The following PFKFB3 variants were observed in gnomAD, a reference collection of about 807,000 sequenced individuals.
The protein encoded by PFKFB3 is 6-phosphofructo-2-kinase/fructose-2,6-bisphosphatase 3.
A neutral mutation model predicts 68.0 loss-of-function variants in PFKFB3; 33 were observed. That is an observed-to-expected ratio of 0.49 (90% CI 0.37 to 0.65). The LOEUF is 0.65. Ranked by LOEUF, PFKFB3 falls within the 30% of genes least tolerant of loss-of-function variation. The pLI, the probability that PFKFB3 is intolerant of heterozygous loss-of-function variation, is 0.00. For missense variants in PFKFB3, 586 were observed against 712.2 expected, an observed-to-expected ratio of 0.82 and a Z score of 2.02; for synonymous variants, 315 against 288.2, an observed-to-expected ratio of 1.09 and a Z score of -0.94.
rs372374322 is a variant in PFKFB3, at chr10:6,177,436, T to TTCTC, written c.16+32425_16+32428dup. Among the ~76,000 whole-genome samples, 4 of 56,392 alleles carry TTCTC rather than the reference T, an allele frequency of 7.1e-5. No individual in the cohort carries two copies. The Admixed American group carries it at 8.9e-4, about 13-fold the overall frequency. 37.0% of individuals were successfully genotyped at this position (56,392 alleles called of 152,430 possible). ...CTTTCTCTTTCTTCCTTTCTTTTCT[T>TTCTC]TCTCTTTCTTTCTTTCTTTCTTTCT... On this transcript the variant is annotated intron_variant, in intron 1 of 14. Coordinates refer to the PFKFB3 transcript ENST00000379789.
chr10:6,282,054 C>T, the PFKFB3 span, among the ~76,000 whole-genome samples: 4 of 151,132 alleles, frequency 2.6e-5, no homozygotes, highest in Non-Finnish European at 4.4e-5. Context: ...ACTACAGGTT[C>T]GAACTCCTGG....
intron 1 of PFKFB3, among the ~76,000 whole-genome samples, 171 bp downstream of exon 1, chr10:6,203,507 G>T (rs1843478513): frequency 6.7e-6 from 1 of 150,246 alleles, no homozygotes; most frequent in Non-Finnish European, 1.5e-5. Flanking sequence ...CGGCGGGGGC[G>T]CTGTGGCCCT....
Position 6,233,155 on chromosome 10 carries a change from C to G in PFKFB3, c.*213C>G. ...GCCACGTGGGTCCCTGGCGCCCTGC[C>G]TTTAGCCGTGGGGCCCCCACCTCCA... On this transcript the variant is annotated 3_prime_UTR_variant, in exon 15 of 15. Transcript: ENST00000379775. 1 of 551,408 alleles carries G rather than the reference C, an allele frequency of 1.8e-6. No individual in the cohort carries two copies. Among genetic ancestry groups the G allele is most frequent in the South Asian group, 2.3e-5 (1 of 43,554 alleles). 34.2% of individuals were successfully genotyped at this position (551,408 alleles called of 1,614,324 possible). A position where few individuals can be genotyped will look rare whatever the true frequency, so the allele number is the denominator to read the frequency against.
At chr10:6,283,260 G>A in the PFKFB3 span, among the ~76,000 whole-genome samples, 1 of 152,190 alleles carries the variant, frequency 6.6e-6, no homozygotes, top group Admixed American at 6.5e-5. Context: ...GAGCCACCGC[G>A]CCCAGCCAAG....
At chr10:6,219,453 A>C in intron 6 of PFKFB3, 116 bp from the exon 7 acceptor site, 1 of 1,120,018 alleles carries the variant, frequency 8.9e-7, no homozygotes, top group Non-Finnish European at 1.3e-6. Context: ...GCTGGGCCGG[A>C]TAATCTTTAT....
the PFKFB3 span, among the ~76,000 whole-genome samples, chr10:6,282,405 G>A: frequency 6.6e-6 from 1 of 152,160 alleles, no homozygotes; most frequent in Admixed American, 6.5e-5. Context: ...TGCATGGTCT[G>A]ACTCAGTGTG....
chr10:6,254,114 T>TC, intron 14 of PFKFB3: 1 of 337,278 alleles, frequency 3.0e-6, no homozygotes, highest in East Asian at 3.8e-5. Flanking sequence ...TTTTTTTTTT[T>TC]TCTCTTTAGC....
At chr10:6,269,374 G>C in the PFKFB3 span, among the ~76,000 whole-genome samples, 1 of 152,010 alleles carries the variant, frequency 6.6e-6, no homozygotes, top group Non-Finnish European at 1.5e-5. Flanking sequence ...GCCCAGGCTG[G>C]TCTTGAACTC....
intron 1 of PFKFB3, among the ~76,000 whole-genome samples, chr10:6,189,680 A>T (rs1326601402): frequency 6.6e-6 from 1 of 151,714 alleles, no homozygotes; most frequent in Admixed American, 6.6e-5. Flanking sequence ...AAGCCCAGCT[A>T]ATTTTTGTAT....
chr10:6,249,178 TA>T (rs71391803), intron 14 of PFKFB3, among the ~76,000 whole-genome samples: 13,724 of 77,352 alleles, frequency 0.18, 710 homozygotes, highest in African/African-American at 0.3. Context: ...CCGTCTCAAT[TA>T]AAAAAAAAAA....
At chr10:6,165,602 T>C (rs1306324593) in intron 1 of PFKFB3, among the ~76,000 whole-genome samples, 3 of 152,142 alleles carry the variant, frequency 2.0e-5, no homozygotes, top group African/African-American at 7.2e-5. Flanking sequence ...GATGTTTACC[T>C]ATGTTAGTGG....
the PFKFB3 span, among the ~76,000 whole-genome samples, chr10:6,302,881 A>C: frequency 6.6e-6 from 1 of 151,824 alleles, no homozygotes; most frequent in Non-Finnish European, 1.5e-5. Flanking sequence ...ATTTAGAAAA[A>C]CTGTCAGACT....
intron 11 of PFKFB3, 29 bp from the exon 12 acceptor site, chr10:6,223,929 T>C: frequency 6.2e-7 from 1 of 1,606,398 alleles, no homozygotes; most frequent in Non-Finnish European, 8.5e-7. Context: ...GTCTCATTTC[T>C]AACTGTGGGT....
Position 6,229,613 on chromosome 10 carries a change from C to T in PFKFB3, c.1515+3248C>T, listed in dbSNP as rs1349981154. Among the ~76,000 whole-genome samples, 1 of 152,212 alleles carries T rather than the reference C, an allele frequency of 6.6e-6. No individual in the cohort carries two copies. Among genetic ancestry groups the T allele is most frequent in the African/African-American group, 2.4e-5 (1 of 41,454 alleles). On this transcript the variant is annotated intron_variant, in intron 14 of 14. Coordinates refer to ENST00000379775, the MANE Select transcript of PFKFB3 (RefSeq NM_004566.4). This position sits in a 1 kb window ranked among gnomAD's most constrained non-coding sequence, Gnocchi z 4.3. ...CTTCTTGGGGCGCACCCTCCATCCT[C>T]AGGGCCAGTGTCTGTGATGCGCGGG...
At position 6,166,891 on chromosome 10, in the gene PFKFB3, G is replaced by A. The variant is rs1050890360; in HGVS notation, c.16+21878G>A. Among the ~76,000 whole-genome samples, 4 of 148,566 alleles carry A rather than the reference G, an allele frequency of 2.7e-5. 1 individual carries two copies. The South Asian group carries it at 6.3e-4, about 24-fold the overall frequency. ...GTTGCCTAGGCTAGAGTGCAATGGT[G>A]CGATCTCAGCTCACCGAAACCTCTG... On this transcript the variant is annotated intron_variant, in intron 1 of 14. Coordinates refer to the PFKFB3 transcript ENST00000379789.
At chr10:6,199,658 A>ATTTTTTT (rs143309528), upstream of PFKFB3, among the ~76,000 whole-genome samples, 627 of 75,570 alleles carry the variant, frequency 8.3e-3, 22 homozygotes, top group Non-Finnish European at 0.011. Flanking sequence ...CTATTTTTAA[A>ATTTTTTT]TTTTTTTTTT....
chr10:6,269,023 C>CAA, the PFKFB3 span, among the ~76,000 whole-genome samples: 8 of 93,160 alleles, frequency 8.6e-5, no homozygotes, highest in South Asian at 3.6e-4. Flanking sequence ...GATCCTGTCT[C>CAA]AAAAAAAAAA....
At chr10:6,202,761 C>T (rs898955275), upstream of PFKFB3, 1 of 504,670 alleles carries the variant, frequency 2.0e-6, no homozygotes, top group Non-Finnish European at 2.6e-6. Flanking sequence ...AGCTGGTGCA[C>T]CGCCGTCGCC....
At chr10:6,147,224 G>A (rs77273023) in intron 1 of PFKFB3, among the ~76,000 whole-genome samples, 1 of 152,236 alleles carries the variant, frequency 6.6e-6, no homozygotes, top group East Asian at 1.9e-4. Flanking sequence ...GGAGACGCCA[G>A]TGCAGCTACT....
Sources: gnomAD v4.1 joint callset for allele counts (sites outside exome capture counted in the v4.1 genomes callset) on GRCh38, gnomAD v4.1.1 for gene constraint, Gnocchi (gnomAD v3.1) non-coding constraint, MANE v1.5 for transcripts, NCBI Gene and HGNC (gene_info 2026-07-23, HGNC 2026-07-21) for gene names.